DYNC1H1: variants seen among roughly 807,000 people sequenced by gnomAD.
The protein encoded by DYNC1H1 is dynein cytoplasmic 1 heavy chain 1, also known as cytoplasmic dynein 1 heavy chain 1.
Under a neutral mutation model 527.1 loss-of-function variants are expected in DYNC1H1, and 51 were observed. The observed-to-expected ratio is 0.10, with a 90% CI of 0.08 to 0.12. The LOEUF (loss-of-function observed/expected upper bound fraction) is 0.12. DYNC1H1 is among the 10% of genes least tolerant of loss of function. The pLI is 1.00. For synonymous variants in DYNC1H1, 2,189 were observed against 2,278.8 expected (o/e 0.96, Z 1.12); for missense variants, 2,771 against 5,971.8 (o/e 0.46, Z 17.66).
Position 101,979,518 on chromosome 14 carries a change from A to G in DYNC1H1, c.518+26A>G, listed in dbSNP as rs202098850. On this transcript the variant is annotated intron_variant, in intron 3 of 77. Coordinates refer to ENST00000360184, the MANE Select transcript of DYNC1H1 (RefSeq NM_001376.5). The surrounding 1 kb of genome is among the most constrained non-coding windows in gnomAD (Gnocchi z 4.6). ...GTAAAAACTGTGGTTTGAATGTTAT[A>G]TTTCACTTAATGTTCACAAGATAGT... The G allele has an allele frequency of 1.8e-5, 29 of 1,613,912 alleles. No homozygotes were observed. Among genetic ancestry groups the G allele is most frequent in the Middle Eastern group, 3.3e-4 (2 of 6,058 alleles).
Position 102,018,464 on chromosome 14 carries a change from G to C in DYNC1H1, c.8191G>C (p.Val2731Leu). 1 of 1,613,666 alleles carries C rather than the reference G, an allele frequency of 6.2e-7. No individual in the cohort carries two copies. The highest frequency in any genetic ancestry group is 8.5e-7 in the Non-Finnish European group (1 of 1,180,016). The part of the protein sequence containing the change: ...KPLSHRFLRH[V>L]PVVYVDYPGP... ...ATCTGTGCACAGGTTCCTGCGCCAC[G>C]TGCCTGTCGTGTATGTGGATTACCC... is the stretch of plus-strand genomic sequence containing the variant. The change falls in exon 41 of 78, where the codon GTG becomes CTG. Residue 2731 changes from valine (V) to leucine (L), a missense_variant. Coordinates refer to ENST00000360184, the MANE Select transcript of DYNC1H1 (RefSeq NM_001376.5). The surrounding 1 kb of genome is among the most constrained non-coding windows in gnomAD (Gnocchi z 5.2).
Position 102,010,701 on chromosome 14 carries a change from C to T in DYNC1H1, c.6406-39C>T. The T allele has an allele frequency of 6.2e-7, 1 of 1,609,404 alleles. No homozygotes were observed. Among genetic ancestry groups the T allele is most frequent in the Admixed American group, 1.7e-5 (1 of 60,014 alleles). ...GGGGATGCAGCGGGCAGTACTTGAGCCATGCTGCGCTGCTCACAGCCCAGC... is the reference window on the plus strand; with the variant it reads ...GGGGATGCAGCGGGCAGTACTTGAGTCATGCTGCGCTGCTCACAGCCCAGC... On this transcript the variant is annotated intron_variant, in intron 31 of 77. Coordinates refer to ENST00000360184, the MANE Select transcript of DYNC1H1 (RefSeq NM_001376.5). The surrounding 1 kb of genome is among the most constrained non-coding windows in gnomAD (Gnocchi z 6.0).
chr14:102,038,151 G>T lies in DYNC1H1; in HGVS notation c.10909-309G>T. The T allele has an allele frequency of 2.5e-6, 1 of 396,954 alleles. No homozygotes were observed. Among genetic ancestry groups the T allele is most frequent in the Non-Finnish European group, 4.8e-6 (1 of 208,222 alleles). The allele number at this position is 396,954 out of a possible 1,614,324, so 24.6% of individuals were successfully genotyped here. A position where few individuals can be genotyped will look rare whatever the true frequency, so the allele number is the denominator to read the frequency against. On this transcript the variant is annotated intron_variant, in intron 57 of 77. Coordinates refer to ENST00000360184, the MANE Select transcript of DYNC1H1 (RefSeq NM_001376.5). The surrounding 1 kb of genome is among the most constrained non-coding windows in gnomAD (Gnocchi z 7.2). ...TGCCATACACCCCCAGCTAACTTTC[G>T]TATTTTTAGTAGAGATGGAGTTTCA... is the stretch of plus-strand genomic sequence containing the variant.
chr14:102,030,794 A>G (rs373432495), intron 51 of DYNC1H1: 18 of 211,356 alleles, frequency 8.5e-5, no homozygotes, highest in South Asian at 4.5e-4. Flanking sequence ...TTAGTTTGCA[A>G]TTTACACAGT....
rs752979249 is a variant in DYNC1H1, at chr14:102,044,688, T to G, written c.12996T>G (p.Leu4332=). 6.2e-7 allele frequency: 1 copy of G among 1,613,870 alleles called. No homozygotes were observed. Among genetic ancestry groups the G allele is most frequent in the South Asian group, 1.1e-5 (1 of 91,062 alleles). ...CCAACAACGCCGAGAGAGTCCTCCT[T>G]ACCACACAGGGTAGGCAACAAGGAT... The part of the protein sequence containing the change: ...GLPNNAERVL[L]TTQGVDMISK... The change falls in exon 72 of 78, where the codon CTT becomes CTG. Residue 4332 remains leucine, a synonymous_variant. Coordinates refer to ENST00000360184, the MANE Select transcript of DYNC1H1 (RefSeq NM_001376.5). The surrounding 1 kb of genome is among the most constrained non-coding windows in gnomAD (Gnocchi z 7.1).
chr14:102,007,612 C>A (rs1430006781), intron 28 of DYNC1H1, among the ~76,000 whole-genome samples: 1 of 152,062 alleles, frequency 6.6e-6, no homozygotes, highest in Non-Finnish European at 1.5e-5. Flanking sequence ...TCACAGCCAC[C>A]GTGGGAGTAG....
chr14:102,034,533 T>C, intron 56 of DYNC1H1, 81 bp downstream of exon 56: 2 of 1,605,072 alleles, frequency 1.2e-6, no homozygotes, highest in Non-Finnish European at 1.7e-6. Context: ...CACCCTTGTT[T>C]GAAGAGAGGA....
rs1379780457 is a variant in DYNC1H1 at position 101,979,278 on chromosome 14, A to C, written c.345-41A>C. The C allele has an allele frequency of 6.3e-7, 1 of 1,586,408 alleles. No individual in the cohort carries two copies. Among genetic ancestry groups the C allele is most frequent in the Non-Finnish European group, 8.7e-7 (1 of 1,155,146 alleles). On this transcript the variant is annotated intron_variant, in intron 2 of 77. Transcript: ENST00000360184. This position sits in a 1 kb window ranked among gnomAD's most constrained non-coding sequence, Gnocchi z 4.6. ...TTTTAAATTAATAAGCCTAATTAGG[A>C]GTGTAACTTTTCTAATTTCTTGTTT...
chr14:101,987,548 G>C lies in DYNC1H1; in HGVS notation c.2634G>C (p.Leu878Phe). The C allele has an allele frequency of 6.2e-7, 1 of 1,614,132 alleles. No individual in the cohort carries two copies. Among genetic ancestry groups the C allele is most frequent in the Non-Finnish European group, 8.5e-7 (1 of 1,180,026 alleles). ...MYDHKTFSEI[L>F]NRVQKAVDDL... ...ACCATAAGACATTCTCGGAAATCTT[G>C]AACAGAGTCCAGAAAGCAGTGGATG... The change falls in exon 9 of 78, where the codon TTG (leucine) becomes TTC (phenylalanine). Residue 878 changes from leucine (L) to phenylalanine (F), a missense_variant. Leu to Phe is a conservative substitution (Grantham distance 22, BLOSUM62 0). Coordinates refer to ENST00000360184, the MANE Select transcript of DYNC1H1 (RefSeq NM_001376.5).
chr14:102,044,865 T>A lies in DYNC1H1; in HGVS notation c.13006+167T>A. 2 of 737,706 alleles carry A rather than the reference T, an allele frequency of 2.7e-6. No homozygotes were observed. Among genetic ancestry groups the A allele is most frequent in the East Asian group, 5.4e-5 (2 of 36,922 alleles). The allele number at this position is 737,706 out of a possible 1,614,324, so 45.7% of individuals were successfully genotyped here. A position where few individuals can be genotyped will look rare whatever the true frequency, so the allele number is the denominator to read the frequency against. On this transcript the variant is annotated intron_variant, in intron 72 of 77. Transcript: ENST00000360184. This position sits in a 1 kb window ranked among gnomAD's most constrained non-coding sequence, Gnocchi z 7.1. ...GTCAGCCTCGGCCTTCCTGCCAGTC[T>A]CCAGCTGCTCCTAGCTCCACTCCGA...
rs781701141 is a variant in DYNC1H1 at position 102,009,896 on chromosome 14, G to C, written c.6031G>C (p.Asp2011His). 6.2e-7 allele frequency: 1 copy of C among 1,614,052 alleles called. No individual in the cohort carries two copies. The highest frequency in any genetic ancestry group is 1.1e-5 in the South Asian group (1 of 91,072). The change falls in exon 30 of 78, where the codon GAC (aspartate) becomes CAC (histidine). Residue 2011 changes from aspartate (D) to histidine (H), a missense_variant. Transcript: ENST00000360184. ...LLNKQVKVSP[D>H]MAIFITMNPG... is the part of the protein sequence containing the mutation. ...GAACAAACAAGTCAAGGTGAGCCCG[G>C]ACATGGCCATCTTCATCACCATGAA...
Position 102,022,857 on chromosome 14 carries a change from T to C in DYNC1H1, c.8614T>C (p.Leu2872=). ...DREKAMSRPI[L]YSNWLSKDYI... is the part of the protein sequence containing the mutation. ...AGAGAAGGCAATGAGCCGACCCATC[T>C]TGTACAGCAACTGGCTGTCAAAGGT... is the stretch of plus-strand genomic sequence containing the variant. The change falls in exon 43 of 78, where the codon TTG becomes CTG. Residue 2872 remains leucine, a synonymous_variant. Transcript: ENST00000360184. 1.2e-6 allele frequency: 2 copies of C among 1,614,258 alleles called. No homozygotes were observed. The highest frequency in any genetic ancestry group is 1.7e-6 in the Non-Finnish European group (2 of 1,180,046).
Position 102,011,791 on chromosome 14 carries a change from A to C in DYNC1H1, c.6619-84A>C. ...AATCCACACATAATGTTTCTTGCTC[A>C]CTTTCACAAGAGGTGGCTGGGCGAG... On this transcript the variant is annotated intron_variant, in intron 32 of 77. Transcript: ENST00000360184. This position sits in a 1 kb window ranked among gnomAD's most constrained non-coding sequence, Gnocchi z 5.3. The C allele has an allele frequency of 4.9e-6, 7 of 1,426,574 alleles. No individual in the cohort carries two copies. In the Admixed American group the frequency reaches 5.2e-5, roughly 11 times the overall value. 88.4% of individuals were successfully genotyped at this position (1,426,574 alleles called of 1,614,324 possible).
rs2048865384 is a variant in DYNC1H1, at chr14:102,055,356, T to G, written c.*4793T>G. ...CGTGGCTGTGTCTACAAAGGCCTCCTCTTTGAGGGAGACACGCGAGGCACG... is the reference window on the plus strand; with the variant it reads ...CGTGGCTGTGTCTACAAAGGCCTCCGCTTTGAGGGAGACACGCGAGGCACG... On this transcript the variant is annotated 3_prime_UTR_variant, in exon 78 of 78. Transcript: ENST00000360184. 6.6e-6 allele frequency: 1 copy of G among 151,160 alleles called. No homozygotes were observed. The highest frequency in any genetic ancestry group is 2.1e-4 in the South Asian group (1 of 4,796). 9.4% of individuals were successfully genotyped at this position (151,160 alleles called of 1,614,324 possible).
At position 102,020,451 on chromosome 14, in the gene DYNC1H1, A is replaced by G. The variant is rs987083323; in HGVS notation, c.8507+395A>G. Among the ~76,000 whole-genome samples the G allele has an allele frequency of 1.3e-5, 2 of 152,156 alleles. No homozygotes were observed. The highest frequency in any genetic ancestry group is 2.9e-5 in the Non-Finnish European group (2 of 68,040). ...CTGCCTGTGATAACCTTACCAGAGC[A>G]CGGGTTCACTGCTGAGTTAAAAGGT... is the stretch of plus-strand genomic sequence containing the variant. On this transcript the variant is annotated intron_variant, in intron 42 of 77. Transcript: ENST00000360184. The surrounding 1 kb of genome is among the most constrained non-coding windows in gnomAD (Gnocchi z 4.3).
In DYNC1H1 at chr14:102,029,601, G is replaced by A. The variant is rs531438720; in HGVS notation, c.9531G>A (p.Leu3177=). The change falls in exon 49 of 78, where the codon CTG becomes CTA. Residue 3177 remains leucine (L), a synonymous_variant. Coordinates refer to ENST00000360184, the MANE Select transcript of DYNC1H1 (RefSeq NM_001376.5). This position sits in a 1 kb window ranked among gnomAD's most constrained non-coding sequence, Gnocchi z 5.3. ...TGGCCATCACCCCTCGCCACTACCT[G>A]GACTTCATCAATCACTATGCCAACC... is the stretch of plus-strand genomic sequence containing the variant. ...RTMAITPRHY[L]DFINHYANLF... The A allele has an allele frequency of 3.3e-5, 54 of 1,614,100 alleles. 1 individual carries two copies. The highest frequency in any genetic ancestry group is 4.3e-5 in the Non-Finnish European group (51 of 1,180,062).
At position 102,016,483 on chromosome 14, in the gene DYNC1H1, T is replaced by C; in HGVS notation, c.7608T>C (p.Asp2536=). Residue 2536 remains aspartate (D), a synonymous_variant, in exon 37 of 78, where the codon GAT becomes GAC. Coordinates refer to ENST00000360184, the MANE Select transcript of DYNC1H1 (RefSeq NM_001376.5). The surrounding 1 kb of genome is among the most constrained non-coding windows in gnomAD (Gnocchi z 7.3). The part of the protein sequence containing the change: ...LPTAPNIPII[D]YEVSISGEWS... ...CTGCGCCCAACATACCCATTATCGA[T>C]TATGAGGTGAGCATGCAGCTACCAC... is the stretch of plus-strand genomic sequence containing the variant. 6.2e-7 allele frequency: 1 copy of C among 1,614,080 alleles called. No homozygotes were observed. Among genetic ancestry groups the C allele is most frequent in the South Asian group, 1.1e-5 (1 of 91,076 alleles).
rs1258868982 is a variant in DYNC1H1 at position 102,036,989 on chromosome 14, C to T, written c.10908+347C>T. 2 of 344,940 alleles carry T rather than the reference C, an allele frequency of 5.8e-6. No individual in the cohort carries two copies. Among genetic ancestry groups the T allele is most frequent in the Non-Finnish European group, 1.1e-5 (2 of 176,234 alleles). 21.4% of individuals were successfully genotyped at this position (344,940 alleles called of 1,614,324 possible). ...GCTGGCACCTGTAGTCCCAGCTACT[C>T]GGGAGGCTGAGGCAGGAGAATCACT... On this transcript the variant is annotated intron_variant, in intron 57 of 77. Coordinates refer to ENST00000360184, the MANE Select transcript of DYNC1H1 (RefSeq NM_001376.5). The surrounding 1 kb of genome is among the most constrained non-coding windows in gnomAD (Gnocchi z 5.6).
chr14:101,998,432 A>G (rs1317784491), intron 16 of DYNC1H1, among the ~76,000 whole-genome samples: 2 of 152,236 alleles, frequency 1.3e-5, no homozygotes, highest in African/African-American at 4.8e-5. Flanking sequence ...CAATTGGGTT[A>G]TGGTGGGTCC....
Sources: allele counts gnomAD v4.1 joint callset (sites outside exome capture counted in the v4.1 genomes callset), GRCh38; gene constraint gnomAD v4.1.1; non-coding constraint Gnocchi (gnomAD v3.1); transcripts MANE v1.5; gene names NCBI Gene and HGNC (gene_info 2026-07-23, HGNC 2026-07-21).